Variants in NOD2 observed in about 807,000 individuals in gnomAD.
NOD2 encodes nucleotide binding oligomerization domain containing 2.
A neutral mutation model predicts 90.9 loss-of-function variants in NOD2; 86 were observed. The ratio of observed to expected loss-of-function variants is 0.95; its 90% confidence interval spans 0.79 to 1.13. The LOEUF (loss-of-function observed/expected upper bound fraction) is 1.13, where lower values mean the gene tolerates loss of function less well. NOD2 is among the 50% of genes most tolerant of loss of function. NOD2 has a pLI of 0.00. For synonymous variants in NOD2, 581 were observed against 554.6 expected (o/e 1.05, Z -0.67); for missense variants, 1,238 against 1,283.8 (o/e 0.96, Z 0.55).
chr16:50,705,572 C>T (rs1256279015), intron 2 of NOD2, among the ~76,000 whole-genome samples: 3 of 152,158 alleles, frequency 2.0e-5, no homozygotes, highest in Non-Finnish European at 4.4e-5. Flanking sequence ...CTGAGTACAC[C>T]ACAGACCTTT....
At chr16:50,729,767 A>C (rs762450648) in intron 10 of NOD2, 51 bp from the exon 11 acceptor site, 1 of 1,523,528 alleles carries the variant, frequency 6.6e-7, no homozygotes. Flanking sequence ...GGACAGTTTC[A>C]AGAGGAAAAC....
intron 6 of NOD2, 57 bp from the exon 7 acceptor site, chr16:50,719,868 G>A (rs1040169484): frequency 1.3e-6 from 2 of 1,495,506 alleles, no homozygotes; most frequent in Non-Finnish European, 1.9e-6. Flanking sequence ...GGCACAGACG[G>A]CCCTCCTTTT....
chr16:50,700,717 G>A (rs973220060), intron 2 of NOD2, among the ~76,000 whole-genome samples: 13 of 152,192 alleles, frequency 8.5e-5, no homozygotes, highest in Admixed American at 4.6e-4. Context: ...GTGATACTCT[G>A]TACTTGTACA....
Position 50,711,342 on chromosome 16 carries a change from A to G in NOD2, c.1350A>G (p.Ser450=). The change falls in exon 4 of 12, where the codon TCA becomes TCG. Residue 450 remains serine (S), a synonymous_variant. Coordinates refer to ENST00000647318, the MANE Select transcript of NOD2 (RefSeq NM_001370466.1). ...DRLIRLLQET[S]ALHGLCHLPV... The stretch of plus-strand genomic sequence containing the variant: ...TCATCCGCCTGCTCCAAGAGACCTC[A>G]GCCCTGCACGGTTTGTGCCACCTGC... The G allele has an allele frequency of 1.9e-6, 3 of 1,613,686 alleles. No individual in the cohort carries two copies. Among genetic ancestry groups the G allele is most frequent in the Non-Finnish European group, 2.5e-6 (3 of 1,180,040 alleles).
intron 2 of NOD2, among the ~76,000 whole-genome samples, chr16:50,703,112 A>G (rs747782251): frequency 2.6e-5 from 4 of 152,222 alleles, no homozygotes; most frequent in Non-Finnish European, 4.4e-5. Flanking sequence ...TGTATATTTC[A>G]TATGTATAGT....
chr16:50,709,760 T>C (rs1321395580), intron 3 of NOD2, among the ~76,000 whole-genome samples: 1 of 152,186 alleles, frequency 6.6e-6, no homozygotes, highest in Non-Finnish European at 1.5e-5. Flanking sequence ...ATTCACAGGT[T>C]CTGAGAATCC....
At position 50,712,382 on chromosome 16, in the gene NOD2, T is replaced by C; in HGVS notation, c.2381+9T>C. The C allele has an allele frequency of 6.2e-7, 1 of 1,613,292 alleles. No homozygotes were observed. The highest frequency in any genetic ancestry group is 8.5e-7 in the Non-Finnish European group (1 of 1,180,014). On this transcript the variant is annotated intron_variant, in intron 4 of 11. Coordinates refer to ENST00000647318, the MANE Select transcript of NOD2 (RefSeq NM_001370466.1). ...GTCTGCAAGGCTCTGTAGTGAGTGT[T>C]ACTGGGCATTGCTGTTCAGGTATGG...
chr16:50,732,368 T>A lies in NOD2; in HGVS notation c.*549T>A. The A allele has an allele frequency of 5.9e-6, 1 of 170,842 alleles. No individual in the cohort carries two copies. The allele number at this position is 170,842 out of a possible 1,614,324, so 10.6% of individuals were successfully genotyped here. Reference sequence around the variant, plus strand: ...ACGCTCCTTCCTCTGAGGCTGAAATTCAGAATATTAGTGACCTCAGCTTTG... The same window carrying A: ...ACGCTCCTTCCTCTGAGGCTGAAATACAGAATATTAGTGACCTCAGCTTTG... On this transcript the variant is annotated 3_prime_UTR_variant, in exon 12 of 12. Coordinates refer to ENST00000647318, the MANE Select transcript of NOD2 (RefSeq NM_001370466.1).
At chr16:50,714,752 G>C (rs1413883561) in intron 4 of NOD2, among the ~76,000 whole-genome samples, 1 of 151,882 alleles carries the variant, frequency 6.6e-6, no homozygotes, top group Non-Finnish European at 1.5e-5. Flanking sequence ...GTGTTTCCAT[G>C]CCAACTGAAA....
In NOD2 at chr16:50,710,904, C is replaced by T. The variant is rs1392970712; in HGVS notation, c.912C>T (p.Phe304=). ...DFQEFLFVFP[F]SCRQLQCMAK... ...AGGAATTTCTCTTTGTCTTCCCATT[C>T]AGCTGCCGGCAGCTGCAGTGCATGG... The change falls in exon 4 of 12, where the codon TTC becomes TTT. Residue 304 remains phenylalanine (F), a synonymous_variant. Coordinates refer to ENST00000647318, the MANE Select transcript of NOD2 (RefSeq NM_001370466.1). The T allele has an allele frequency of 6.2e-7, 1 of 1,614,172 alleles. No homozygotes were observed. Among genetic ancestry groups the T allele is most frequent in the Admixed American group, 1.7e-5 (1 of 60,030 alleles).
At chr16:50,716,802 T>C in intron 5 of NOD2, 89 bp from the exon 6 acceptor site, 1 of 1,486,950 alleles carries the variant, frequency 6.7e-7, no homozygotes, top group Non-Finnish European at 9.4e-7. Flanking sequence ...AGGTGATTCC[T>C]GCCCAGAGGG....
At position 50,722,614 on chromosome 16, in the gene NOD2, CT is replaced by C; in HGVS notation, c.2634-4del. On this transcript the variant is annotated splice_polypyrimidine_tract_variant and splice_region_variant and intron_variant, in intron 7 of 11. Transcript: ENST00000647318. ...GACACTGTCTGTTGACTCTTTTGGC[CT>C]TTTCAGATTCTGGGGCAACAGAGTG... The C allele has an allele frequency of 1.2e-6, 2 of 1,614,058 alleles. No individual in the cohort carries two copies. Among genetic ancestry groups the C allele is most frequent in the Non-Finnish European group, 1.7e-6 (2 of 1,179,868 alleles).
At chr16:50,697,154 C>A in intron 1 of NOD2, 1 of 1,113,972 alleles carries the variant, frequency 9.0e-7, no homozygotes, top group Non-Finnish European at 1.3e-6. Flanking sequence ...CAGATCCAGG[C>A]TCACCAGTCC....
chr16:50,707,351 C>T (rs931656510), intron 2 of NOD2, among the ~76,000 whole-genome samples: 1 of 152,084 alleles, frequency 6.6e-6, no homozygotes, highest in African/African-American at 2.4e-5. Context: ...GGTGCATGGG[C>T]AGGTTAGGAG....
Position 50,733,037 on chromosome 16 carries a change from C to G in NOD2, c.*1218C>G, listed in dbSNP as rs1180745837. ...AGACAACATGGCCGTGAACTTTATG[C>G]TGTAAATAATCAGAGGGGAATAAAC... On this transcript the variant is annotated 3_prime_UTR_variant, in exon 12 of 12. Coordinates refer to ENST00000647318, the MANE Select transcript of NOD2 (RefSeq NM_001370466.1). 2 of 152,312 alleles carry G rather than the reference C, an allele frequency of 1.3e-5. No homozygotes were observed. The highest frequency in any genetic ancestry group is 4.8e-5 in the African/African-American group (2 of 41,430). The allele number at this position is 152,312 out of a possible 1,614,324, so 9.4% of individuals were successfully genotyped here.
Position 50,710,705 on chromosome 16 carries a change from TG to T in NOD2, c.715del (p.Ala239LeufsTer111), listed in dbSNP as rs772914954. 7 of 1,613,808 alleles carry T rather than the reference TG, an allele frequency of 4.3e-6. No individual in the cohort carries two copies. The highest frequency in any genetic ancestry group is 5.9e-6 in the Non-Finnish European group (7 of 1,179,846). On this transcript the variant is annotated frameshift_variant, in exon 4 of 12. Coordinates refer to ENST00000647318, the MANE Select transcript of NOD2 (RefSeq NM_001370466.1). LOFTEE classifies it high-confidence loss of function. ...CTGGAGGTCTGGGCAGATGTGGGCATGGCTGGACCCCCGCAGAAGAGCCCAG... is the reference window on the plus strand; with the variant it reads ...CTGGAGGTCTGGGCAGATGTGGGCATGCTGGACCCCCGCAGAAGAGCCCAG... The part of the protein sequence containing the change: ...NVLEVWADVG[M>X]AGPPQKSPAT...
At chr16:50,730,038 A>C in intron 11 of NOD2, 137 bp downstream of exon 11, 2 of 671,954 alleles carry the variant, frequency 3.0e-6, no homozygotes, top group South Asian at 3.0e-5. Flanking sequence ...ATGATTCTGC[A>C]TGTGAAGGAT....
chr16:50,695,186 G>T (rs1177388899), intron 1 of NOD2, among the ~76,000 whole-genome samples: 1 of 152,052 alleles, frequency 6.6e-6, no homozygotes, highest in Non-Finnish European at 1.5e-5. Flanking sequence ...GGCAGAAGGA[G>T]AGCCCGTTGA....
chr16:50,731,131 C>T (rs1348566415), intron 11 of NOD2, among the ~76,000 whole-genome samples: 2 of 152,128 alleles, frequency 1.3e-5, no homozygotes, highest in Non-Finnish European at 2.9e-5. Context: ...GATTGCATCA[C>T]TGCACAGGCG....
Sources: allele counts gnomAD v4.1 joint callset (sites outside exome capture counted in the v4.1 genomes callset), GRCh38; gene constraint gnomAD v4.1.1; transcripts MANE v1.5; gene names NCBI Gene and HGNC (gene_info 2026-07-23, HGNC 2026-07-21).